Variants in NAALADL2 observed in about 807,000 individuals in gnomAD.
NAALADL2 encodes the protein N-acetylated alpha-linked acidic dipeptidase like 2, also known as inactive N-acetylated-alpha-linked acidic dipeptidase-like protein 2.
A neutral mutation model predicts 87.2 loss-of-function variants in NAALADL2; 76 were observed. The observed-to-expected ratio is 0.87, with a 90% CI of 0.72 to 1.05. The LOEUF is 1.05. NAALADL2 is among the 50% of genes least tolerant of loss of function. The pLI, the probability that NAALADL2 is intolerant of heterozygous loss-of-function variation, is 0.00. For synonymous variants in NAALADL2, 354 were observed against 331.0 expected (o/e 1.07, Z -0.75); for missense variants, 1,089 against 945.8 (o/e 1.15, Z -1.99).
intron 1 of NAALADL2, among the ~76,000 whole-genome samples, chr3:175,015,433 G>A (rs1192214857): frequency 6.6e-6 from 1 of 152,098 alleles, no homozygotes; most frequent in Non-Finnish European, 1.5e-5. Context: ...CGCCGTTTGA[G>A]TGGTCACTCT....
intron 3 of NAALADL2, among the ~76,000 whole-genome samples, chr3:175,250,510 G>C (rs908635202): frequency 3.9e-5 from 6 of 152,178 alleles, no homozygotes; most frequent in African/African-American, 1.4e-4. Flanking sequence ...ATGGGACATG[G>C]AATCTGAAAT....
At chr3:174,724,671 T>C (rs1387412718) in intron 2 of NAALADL2, among the ~76,000 whole-genome samples, 2 of 151,910 alleles carry the variant, frequency 1.3e-5, no homozygotes, top group African/African-American at 4.9e-5. Context: ...ATTCAACATA[T>C]ACTTATTGAT....
chr3:175,090,759 T>A (rs984089277), intron 1 of NAALADL2, among the ~76,000 whole-genome samples: 7 of 152,138 alleles, frequency 4.6e-5, no homozygotes, highest in African/African-American at 1.7e-4. Flanking sequence ...CATTTTAGAG[T>A]AGGCACTGAC....
rs955103735 is a variant in NAALADL2 at position 175,783,876 on chromosome 3, C to T, written c.2190-19129C>T. Among the ~76,000 whole-genome samples the T allele has an allele frequency of 1.0e-3, 148 of 144,332 alleles. 6 individuals are homozygous for T. The highest frequency in any genetic ancestry group is 1.2e-3 in the African/African-American group (40 of 34,780). The allele number at this position is 144,332 out of a possible 152,430, so 94.7% of individuals were successfully genotyped here. On this transcript the variant is annotated intron_variant, in intron 13 of 13. Coordinates refer to ENST00000454872, the MANE Select transcript of NAALADL2 (RefSeq NM_207015.3). ...GCTCTTATTATTTTGAAATACATCC[C>T]ATCGATACCTAATTTATTGAGAGTT...
At chr3:174,633,556 G>GT (rs956602665) in intron 2 of NAALADL2, among the ~76,000 whole-genome samples, 71 of 152,320 alleles carry the variant, frequency 4.7e-4, no homozygotes, top group African/African-American at 1.6e-3. Context: ...GGAGAAAACA[G>GT]TTTTTTAATG....
At chr3:175,716,829 A>AATTTTAGT (rs1471498722) in intron 11 of NAALADL2, among the ~76,000 whole-genome samples, 1 of 152,150 alleles carries the variant, frequency 6.6e-6, no homozygotes, top group Non-Finnish European at 1.5e-5. Flanking sequence ...GGAGGAGTCT[A>AATTTTAGT]ATTTTAGTAA....
chr3:174,766,094 TAAAGG>T lies in NAALADL2; in HGVS notation c.-9+28353_-9+28357del, dbSNP rs374333568. Among the ~76,000 whole-genome samples, 467 of 152,270 alleles carry T rather than the reference TAAAGG, an allele frequency of 3.1e-3. 2 individuals are homozygous for T. Among genetic ancestry groups the T allele is most frequent in the African/African-American group, 0.011 (447 of 41,590 alleles). ...GATTAATGTGTTTCATTGGGAGCTC[TAAAGG>T]AAAGAGACTTCTGCTTTCTCTGGGG... On this transcript the variant is annotated intron_variant, in intron 3 of 3. Transcript: ENST00000434257.
At chr3:175,405,963 GT>G (rs1421576699) in intron 5 of NAALADL2, among the ~76,000 whole-genome samples, 4 of 152,082 alleles carry the variant, frequency 2.6e-5, no homozygotes, top group African/African-American at 9.7e-5. Context: ...ACCGGCTAAG[GT>G]CCAGGCAGTG....
intron 1 of NAALADL2, among the ~76,000 whole-genome samples, chr3:175,072,323 G>A (rs2109158959): frequency 1.3e-5 from 2 of 151,978 alleles, no homozygotes; most frequent in Middle Eastern, 6.8e-3. Context: ...ACTTTCAAAA[G>A]GTTTTATTTA....
intron 12 of NAALADL2, among the ~76,000 whole-genome samples, chr3:175,739,908 C>G (rs1745010198): frequency 6.6e-6 from 1 of 151,946 alleles, no homozygotes; most frequent in African/African-American, 2.4e-5. Flanking sequence ...ATTTGCATTC[C>G]CAAAATAAAT....
intron 11 of NAALADL2, among the ~76,000 whole-genome samples, chr3:175,682,191 A>T (rs1666557919): frequency 1.3e-5 from 2 of 152,082 alleles, no homozygotes; most frequent in Admixed American, 1.3e-4. Flanking sequence ...AATTCCAAAT[A>T]AGAAGTCATC....
chr3:175,512,179 G>T (rs1446389210), intron 9 of NAALADL2, among the ~76,000 whole-genome samples: 1 of 152,122 alleles, frequency 6.6e-6, no homozygotes, highest in Non-Finnish European at 1.5e-5. Flanking sequence ...TGGAGGTCAA[G>T]GTTTCCTGTG....
chr3:175,071,171 T>G (rs1715565818), intron 1 of NAALADL2, among the ~76,000 whole-genome samples: 1 of 152,094 alleles, frequency 6.6e-6, no homozygotes, highest in East Asian at 1.9e-4. Context: ...TGCAAGTGTC[T>G]CCTAAAGTTC....
At chr3:174,920,550 T>A (rs7634608) in intron 1 of NAALADL2, among the ~76,000 whole-genome samples, 17,199 of 152,252 alleles carry the variant, frequency 0.11, 1,050 homozygotes, top group African/African-American at 0.14. Flanking sequence ...GGATTTGGAC[T>A]AAGGGAATGC....
At chr3:175,579,503 C>T (rs1257528047) in intron 10 of NAALADL2, among the ~76,000 whole-genome samples, 8 of 152,114 alleles carry the variant, frequency 5.3e-5, no homozygotes, top group African/African-American at 1.9e-4. Flanking sequence ...TTTTCTTGGC[C>T]TCTATACTCT....
intron 6 of NAALADL2, among the ~76,000 whole-genome samples, chr3:175,454,797 C>A (rs1261253768): frequency 6.6e-6 from 1 of 152,004 alleles, no homozygotes; most frequent in African/African-American, 2.4e-5. Flanking sequence ...TAAGCAAAAT[C>A]TTCTCTTCCT....
At chr3:174,790,334 T>C (rs1409020714) in intron 3 of NAALADL2, among the ~76,000 whole-genome samples, 1 of 152,160 alleles carries the variant, frequency 6.6e-6, no homozygotes, top group African/African-American at 2.4e-5. Context: ...TTACATGCCT[T>C]TTTAAAAAGA....
chr3:175,132,564 A>C, intron 2 of NAALADL2, among the ~76,000 whole-genome samples: 1 of 79,630 alleles, frequency 1.3e-5, no homozygotes, highest in Admixed American at 1.3e-4. Flanking sequence ...GGGGGGGCTG[A>C]CCCCCCCACC....
intron 11 of NAALADL2, among the ~76,000 whole-genome samples, chr3:175,632,950 C>T (rs552192706): frequency 2.0e-5 from 3 of 152,148 alleles, no homozygotes; most frequent in East Asian, 1.9e-4. Flanking sequence ...TTAGTGATCA[C>T]GTATGATAGT....
Sources: allele counts gnomAD v4.1 joint callset (sites outside exome capture counted in the v4.1 genomes callset), GRCh38; gene constraint gnomAD v4.1.1; transcripts MANE v1.5; gene names NCBI Gene and HGNC (gene_info 2026-07-23, HGNC 2026-07-21).